Variants in SRPK2 observed in about 807,000 individuals in gnomAD.
SRPK2 encodes SRSF protein kinase 2.
In SRPK2, 21 loss-of-function variants were observed where a neutral mutation model predicts 90.8. The observed-to-expected ratio is 0.23, with a 90% CI of 0.16 to 0.33. The LOEUF is 0.33. SRPK2 is among the 10% of genes least tolerant of loss of function. The probability of loss-of-function intolerance (pLI) is 1.00; values close to 1 mark genes in which losing one functional copy is unlikely to be tolerated. For synonymous variants in SRPK2, 288 were observed against 311.1 expected (o/e 0.93, Z 0.78); for missense variants, 620 against 869.0 (o/e 0.71, Z 3.60).
At position 105,136,130 on chromosome 7, in the gene SRPK2, G is replaced by A. The variant is rs574996568; in HGVS notation, c.1544-3026C>T. Among the ~76,000 whole-genome samples the A allele has an allele frequency of 5.3e-5, 8 of 152,262 alleles. No individual in the cohort carries two copies. The East Asian group carries it at 7.7e-4, about 15-fold the overall frequency. ...AGGTTCACTGAACAGAATCTCTTTG[G>A]TGACATGCTGTTATCCTCCTGGTTC... On this transcript the variant is annotated intron_variant, in intron 11 of 15. Transcript: ENST00000393651.
chr7:105,278,302 G>A (rs1408384798), intron 2 of SRPK2, among the ~76,000 whole-genome samples: 4 of 136,388 alleles, frequency 2.9e-5, no homozygotes, highest in Admixed American at 1.5e-4. Flanking sequence ...GCGACACAGC[G>A]AGATTCTGTC....
chr7:105,244,761 C>T, intron 2 of SRPK2: 1 of 1,006,164 alleles, frequency 9.9e-7, no homozygotes, highest in Non-Finnish European at 1.6e-6. Context: ...ACCAAACACA[C>T]CAAGTTTGTG....
At chr7:105,364,234 T>A (rs893288159) in intron 2 of SRPK2, among the ~76,000 whole-genome samples, 3 of 152,112 alleles carry the variant, frequency 2.0e-5, no homozygotes, top group African/African-American at 7.2e-5. Context: ...GTCATGCACA[T>A]CTGGACAGTC....
chr7:105,177,812 G>T (rs1756320243), intron 3 of SRPK2, among the ~76,000 whole-genome samples: 1 of 152,088 alleles, frequency 6.6e-6, no homozygotes, highest in African/African-American at 2.4e-5. Flanking sequence ...CACAAGATCA[G>T]GAGATCGAGA....
chr7:105,300,433 G>A (rs1439518739), intron 2 of SRPK2, among the ~76,000 whole-genome samples: 1 of 151,984 alleles, frequency 6.6e-6, no homozygotes, highest in Non-Finnish European at 1.5e-5. Flanking sequence ...CACGACTTAT[G>A]GAAACAGAAG....
chr7:105,346,636 C>T (rs1324056292), intron 2 of SRPK2, among the ~76,000 whole-genome samples: 1 of 152,016 alleles, frequency 6.6e-6, no homozygotes, highest in Non-Finnish European at 1.5e-5. Context: ...CGCCTGTAGT[C>T]CCAGCTACTC....
chr7:105,355,418 A>C (rs1305200950), intron 2 of SRPK2, among the ~76,000 whole-genome samples: 1 of 152,016 alleles, frequency 6.6e-6, no homozygotes, highest in Admixed American at 6.6e-5. Flanking sequence ...ACAGAGGCAG[A>C]AGGATCATTT....
Position 105,384,932 on chromosome 7 carries a change from A to G in SRPK2, c.71+3716T>C, listed in dbSNP as rs576545973. 4.0e-5 allele frequency among the ~76,000 whole-genome samples: 6 copies of G among 151,028 alleles called. No individual in the cohort carries two copies. In the East Asian group the frequency reaches 1.2e-3, roughly 30 times the overall value. ...GGCTCTGTCGCCCAGGCTGGAGTGCAGTGGCGCAATCTCGGCTCACTGCAA... is the reference window on the plus strand; with the variant it reads ...GGCTCTGTCGCCCAGGCTGGAGTGCGGTGGCGCAATCTCGGCTCACTGCAA... On this transcript the variant is annotated intron_variant, in intron 2 of 15. Transcript: ENST00000393651.
chr7:105,305,890 T>C (rs1025657042), intron 2 of SRPK2, among the ~76,000 whole-genome samples: 7 of 152,218 alleles, frequency 4.6e-5, no homozygotes, highest in African/African-American at 1.7e-4. Flanking sequence ...TTCTGGACTT[T>C]GAGGGAGGTA....
chr7:105,152,301 C>G (rs2129579254), intron 7 of SRPK2, among the ~76,000 whole-genome samples: 1 of 152,176 alleles, frequency 6.6e-6, no homozygotes, highest in East Asian at 2.0e-4. Context: ...AGGCACATGT[C>G]ACCATGCCCA....
At chr7:105,219,307 T>C (rs1797830707) in intron 2 of SRPK2, among the ~76,000 whole-genome samples, 1 of 152,142 alleles carries the variant, frequency 6.6e-6, no homozygotes. Flanking sequence ...GATCTTAGTC[T>C]CCTTACTCCA....
chr7:105,123,093 C>T (rs1230912294), intron 15 of SRPK2, among the ~76,000 whole-genome samples: 1 of 152,072 alleles, frequency 6.6e-6, no homozygotes, highest in African/African-American at 2.4e-5. Context: ...GGAAAAAATT[C>T]ATGGACGTGC....
intron 3 of SRPK2, among the ~76,000 whole-genome samples, chr7:105,176,689 G>GTA (rs1791955025): frequency 1.9e-5 from 2 of 103,364 alleles, no homozygotes; most frequent in South Asian, 6.4e-4. Flanking sequence ...ATGTGTGTGT[G>GTA]TACATATATA....
chr7:105,185,823 T>C (rs1793505149), intron 3 of SRPK2, among the ~76,000 whole-genome samples: 2 of 152,174 alleles, frequency 1.3e-5, no homozygotes, highest in Non-Finnish European at 2.9e-5. Context: ...ACATACTCCT[T>C]TGTTAGGCAC....
chr7:105,231,429 C>G (rs1225602094), intron 2 of SRPK2, among the ~76,000 whole-genome samples: 1 of 152,112 alleles, frequency 6.6e-6, no homozygotes, highest in Non-Finnish European at 1.5e-5. Context: ...AGGTACACAC[C>G]CAGTAATAAG....
At chr7:105,266,698 A>C (rs1248838131) in intron 2 of SRPK2, among the ~76,000 whole-genome samples, 1 of 152,176 alleles carries the variant, frequency 6.6e-6, no homozygotes, top group Non-Finnish European at 1.5e-5. Flanking sequence ...GGACTGGTGA[A>C]CAAGGAATTT....
At chr7:105,140,606 T>G (rs1803598006) in intron 11 of SRPK2, among the ~76,000 whole-genome samples, 1 of 148,468 alleles carries the variant, frequency 6.7e-6, no homozygotes, top group East Asian at 2.0e-4. Context: ...TCTCAAAAAA[T>G]AAATAAATAA....
At chr7:105,286,287 C>T (rs933440779) in intron 2 of SRPK2, among the ~76,000 whole-genome samples, 5 of 152,204 alleles carry the variant, frequency 3.3e-5, no homozygotes, top group African/African-American at 1.2e-4. Flanking sequence ...ATTCAGACTT[C>T]AAGTTTATAA....
intron 2 of SRPK2, among the ~76,000 whole-genome samples, chr7:105,237,250 A>C (rs1800253387): frequency 6.6e-6 from 1 of 152,362 alleles, no homozygotes; most frequent in Middle Eastern, 3.4e-3. Flanking sequence ...AAATTAAAGG[A>C]AAAATCAGAA....
Sources: gnomAD v4.1 joint callset for allele counts (sites outside exome capture counted in the v4.1 genomes callset) on GRCh38, gnomAD v4.1.1 for gene constraint, MANE v1.5 for transcripts, NCBI Gene and HGNC (gene_info 2026-07-23, HGNC 2026-07-21) for gene names.